TMC1: variants seen among roughly 807,000 people sequenced by gnomAD.
TMC1 encodes the protein transmembrane channel-like protein 1.
TMC1 carries 84 observed loss-of-function variants against 105.8 expected under a neutral mutation model. That is an observed-to-expected ratio of 0.79 (90% CI 0.67 to 0.95). The LOEUF is 0.95. TMC1 is among the 40% of genes least tolerant of loss of function. The pLI is 0.00. For missense variants in TMC1, 817 were observed against 914.1 expected, an observed-to-expected ratio of 0.89 and a Z score of 1.37; for synonymous variants, 315 against 311.5, an observed-to-expected ratio of 1.01 and a Z score of -0.12.
intron 5 of TMC1, among the ~76,000 whole-genome samples, chr9:72,668,519 G>A (rs917169913): frequency 6.6e-6 from 1 of 152,176 alleles, no homozygotes; most frequent in Non-Finnish European, 1.5e-5. Context: ...ACATGAACCT[G>A]ATCTAAGAAT....
At chr9:72,642,465 A>G (rs1825645061) in intron 4 of TMC1, among the ~76,000 whole-genome samples, 1 of 152,224 alleles carries the variant, frequency 6.6e-6, no homozygotes, top group Non-Finnish European at 1.5e-5. Context: ...TGGACAGGCA[A>G]TATGCCTTAA....
At chr9:72,697,392 A>G (rs967121290) in intron 7 of TMC1, among the ~76,000 whole-genome samples, 1 of 152,170 alleles carries the variant, frequency 6.6e-6, no homozygotes, top group Non-Finnish European at 1.5e-5. Flanking sequence ...TTAGATACAA[A>G]TTATTATGAC....
intron 1 of TMC1, among the ~76,000 whole-genome samples, chr9:72,528,525 GGTTTCTCCAT>G (rs1823444856): frequency 2.0e-5 from 3 of 151,934 alleles, no homozygotes; most frequent in Admixed American, 2.0e-4. Flanking sequence ...GTAGAGACAG[GGTTTCTCCAT>G]GTTGGTCAGG....
chr9:72,829,360 T>G (rs1028513251), intron 21 of TMC1, among the ~76,000 whole-genome samples: 1 of 152,216 alleles, frequency 6.6e-6, no homozygotes, highest in Admixed American at 6.5e-5. Context: ...TGAGGAATAC[T>G]TATTTAACGT....
chr9:72,644,578 CTA>C (rs1825678950), intron 4 of TMC1, among the ~76,000 whole-genome samples: 1 of 152,002 alleles, frequency 6.6e-6, no homozygotes, highest in Non-Finnish European at 1.5e-5. Context: ...ATGTGTGAGT[CTA>C]TTTCTGAATT....
At chr9:72,622,519 G>T (rs1825271590) in intron 3 of TMC1, among the ~76,000 whole-genome samples, 1 of 151,874 alleles carries the variant, frequency 6.6e-6, no homozygotes, top group Non-Finnish European at 1.5e-5. Context: ...TTGATGCCTG[G>T]GCCTCTTAGA....
intron 12 of TMC1, among the ~76,000 whole-genome samples, chr9:72,768,240 A>G (rs1054697429): frequency 8.6e-5 from 13 of 151,574 alleles, no homozygotes; most frequent in African/African-American, 2.2e-4. Context: ...ACCAAACACC[A>G]CATGTTCTCA....
At chr9:72,759,564 G>A (rs995567010) in intron 12 of TMC1, among the ~76,000 whole-genome samples, 3 of 152,180 alleles carry the variant, frequency 2.0e-5, no homozygotes, top group South Asian at 2.1e-4. Flanking sequence ...TCCAAGTTCC[G>A]TGGATGGCAA....
chr9:72,695,866 T>C (rs550413533), intron 7 of TMC1, among the ~76,000 whole-genome samples: 2 of 152,328 alleles, frequency 1.3e-5, no homozygotes, highest in South Asian at 4.1e-4. Flanking sequence ...TTTTAAATTT[T>C]GACTCTAGTA....
At chr9:72,700,092 TA>T (rs1431230606) in intron 7 of TMC1, among the ~76,000 whole-genome samples, 2 of 150,416 alleles carry the variant, frequency 1.3e-5, no homozygotes, top group Non-Finnish European at 3.0e-5. Flanking sequence ...CCATCTCTAT[TA>T]AAAATATAAA....
At chr9:72,793,915 G>A (rs1828319745) in intron 17 of TMC1, among the ~76,000 whole-genome samples, 1 of 152,092 alleles carries the variant, frequency 6.6e-6, no homozygotes, top group Non-Finnish European at 1.5e-5. Flanking sequence ...GGATCCCCAG[G>A]GGCAACTGAA....
intron 12 of TMC1, among the ~76,000 whole-genome samples, chr9:72,763,931 A>T (rs1403132803): frequency 1.3e-5 from 2 of 152,154 alleles, no homozygotes; most frequent in Non-Finnish European, 2.9e-5. Context: ...TTTCGATATG[A>T]CTAGGTTAGA....
intron 12 of TMC1, among the ~76,000 whole-genome samples, chr9:72,766,155 C>T (rs1232718141): frequency 6.6e-6 from 1 of 151,852 alleles, no homozygotes; most frequent in Non-Finnish European, 1.5e-5. Flanking sequence ...TGGTGGCTCA[C>T]ACCTGTAATC....
intron 1 of TMC1, among the ~76,000 whole-genome samples, chr9:72,540,212 C>T (rs774060452): frequency 1.3e-5 from 2 of 152,126 alleles, no homozygotes; most frequent in Admixed American, 6.5e-5. Context: ...TTTGGGAGGG[C>T]GAACATCCAA....
intron 1 of TMC1, among the ~76,000 whole-genome samples, chr9:72,551,191 A>G (rs1376308067): frequency 6.6e-6 from 1 of 152,184 alleles, no homozygotes; most frequent in Non-Finnish European, 1.5e-5. Flanking sequence ...TTTTAGTCCG[A>G]TGAGATTGAT....
At position 72,521,873 on chromosome 9, in the gene TMC1, G is replaced by A. The variant is rs7022441; in HGVS notation, c.-468G>A. The A allele has an allele frequency of 0.53, 79,920 of 152,004 alleles. 21,651 individuals carry two copies. Among genetic ancestry groups the A allele is most frequent in the African/African-American group, 0.65 (26,962 of 41,458 alleles). The allele number at this position is 152,004 out of a possible 1,614,324, so 9.4% of individuals were successfully genotyped here. ...GCCCTCCAGGAGTTGCTGAAATTTAGGAATCATTGCCCCAAAAAGTGGCCC... is the reference window on the plus strand; with the variant it reads ...GCCCTCCAGGAGTTGCTGAAATTTAAGAATCATTGCCCCAAAAAGTGGCCC... On this transcript the variant is annotated 5_prime_UTR_variant, in exon 1 of 24. Transcript: ENST00000297784.
chr9:72,662,445 C>G (rs954793185), intron 5 of TMC1, among the ~76,000 whole-genome samples: 1 of 151,592 alleles, frequency 6.6e-6, no homozygotes, highest in African/African-American at 2.4e-5. Context: ...AATCCACTGG[C>G]CTCGGCGTCC....
At chr9:72,799,818 A>C (rs1367948356) in intron 17 of TMC1, among the ~76,000 whole-genome samples, 1 of 152,186 alleles carries the variant, frequency 6.6e-6, no homozygotes, top group African/African-American at 2.4e-5. Context: ...TTTGCAGATG[A>C]AATTAAGTTA....
At chr9:72,651,846 T>C (rs988634821) in intron 5 of TMC1, among the ~76,000 whole-genome samples, 2 of 152,246 alleles carry the variant, frequency 1.3e-5, no homozygotes, top group African/African-American at 4.8e-5. Flanking sequence ...TCTGAGATTT[T>C]GGTGCACCTA....
Sources: allele counts gnomAD v4.1 joint callset (sites outside exome capture counted in the v4.1 genomes callset), GRCh38; gene constraint gnomAD v4.1.1; transcripts MANE v1.5; gene names NCBI Gene and HGNC (gene_info 2026-07-23, HGNC 2026-07-21).